CSNK1A1: variants seen among roughly 807,000 people sequenced by gnomAD.
CSNK1A1 encodes the protein casein kinase 1 alpha 1.
CSNK1A1 carries 7 observed loss-of-function variants against 46.1 expected under a neutral mutation model. The ratio of observed to expected loss-of-function variants is 0.15; its 90% CI spans 0.09 to 0.29. The LOEUF is 0.29. CSNK1A1 is among the 10% of genes least tolerant of loss of function. The probability of loss-of-function intolerance (pLI) is 1.00; values close to 1 mark genes in which losing one functional copy is unlikely to be tolerated. For synonymous variants in CSNK1A1, 137 were observed against 141.5 expected, an observed-to-expected ratio of 0.97 and a Z score of 0.23; for missense variants, 96 against 417.1, an observed-to-expected ratio of 0.23 and a Z score of 6.71.
chr5:149,519,200 TC>T (rs1176902431), intron 4 of CSNK1A1, among the ~76,000 whole-genome samples: 1 of 152,110 alleles, frequency 6.6e-6, no homozygotes, highest in Non-Finnish European at 1.5e-5. Flanking sequence ...AACATCAGTA[TC>T]TCACATTGAC....
intron 2 of CSNK1A1, among the ~76,000 whole-genome samples, chr5:149,546,775 A>G (rs772712785): frequency 1.1e-4 from 16 of 152,238 alleles, no homozygotes; most frequent in Non-Finnish European, 5.9e-5. Context: ...AATAGATAAC[A>G]CATAACTTTT....
intron 9 of CSNK1A1, chr5:149,499,245 C>T (rs1386869923): frequency 1.0e-6 from 1 of 979,046 alleles, no homozygotes; most frequent in Non-Finnish European, 1.2e-6. Context: ...GTTCAAGAAC[C>T]CATCTTCACT....
chr5:149,548,169 C>G (rs548449915), intron 2 of CSNK1A1, among the ~76,000 whole-genome samples: 1 of 152,268 alleles, frequency 6.6e-6, no homozygotes, highest in African/African-American at 2.4e-5. Flanking sequence ...CCACGCCTGG[C>G]TGGAACTCTT....
intron 9 of CSNK1A1, among the ~76,000 whole-genome samples, chr5:149,500,544 T>C (rs918675661): frequency 1.3e-5 from 2 of 152,148 alleles, no homozygotes; most frequent in Non-Finnish European, 2.9e-5. Context: ...CCCAAAGTGC[T>C]GGGATTACAG....
At chr5:149,523,815 G>T (rs1472585049) in intron 3 of CSNK1A1, among the ~76,000 whole-genome samples, 1 of 152,122 alleles carries the variant, frequency 6.6e-6, no homozygotes, top group East Asian at 1.9e-4. Context: ...TTTGTGTTAG[G>T]AACATTACAA....
rs1465757426 is a variant in CSNK1A1 at position 149,496,138 on chromosome 5, TTC to T, written c.*713_*714del. On this transcript the variant is annotated 3_prime_UTR_variant, in exon 10 of 10. Transcript: ENST00000377843. ...TTCAGTTGTAAGATGTTAACTAAAT[TTC>T]TGTGACAAATATGCTTTTTTTTTAA... is the stretch of plus-strand genomic sequence containing the variant. 1 of 152,592 alleles carries T rather than the reference TTC, an allele frequency of 6.6e-6. No homozygotes were observed. Among genetic ancestry groups the T allele is most frequent in the Non-Finnish European group, 1.5e-5 (1 of 68,020 alleles). The allele number at this position is 152,592 out of a possible 1,614,324, so 9.5% of individuals were successfully genotyped here.
intron 2 of CSNK1A1, among the ~76,000 whole-genome samples, chr5:149,549,689 T>A (rs1762595547): frequency 6.6e-6 from 1 of 152,176 alleles, no homozygotes; most frequent in African/African-American, 2.4e-5. Flanking sequence ...CAACTCGAAC[T>A]GACACTGCCG....
intron 9 of CSNK1A1, chr5:149,497,549 C>G (rs964144699): frequency 1.0e-6 from 1 of 985,286 alleles, no homozygotes; most frequent in African/African-American, 1.7e-5. Flanking sequence ...CTACATAGGC[C>G]CTAGGCCAAG....
chr5:149,547,220 T>C (rs573195807), intron 2 of CSNK1A1, among the ~76,000 whole-genome samples: 24 of 152,326 alleles, frequency 1.6e-4, no homozygotes, highest in African/African-American at 5.1e-4. Context: ...GTCAGGTTAA[T>C]CTGTTTAGCC....
intron 4 of CSNK1A1, among the ~76,000 whole-genome samples, chr5:149,515,507 C>T (rs1253920809): frequency 1.3e-5 from 2 of 152,068 alleles, no homozygotes; most frequent in South Asian, 4.1e-4. Flanking sequence ...AAACAAAAAT[C>T]TAAAGAGCAA....
At chr5:149,511,109 T>C (rs1761208875) in intron 6 of CSNK1A1, among the ~76,000 whole-genome samples, 1 of 152,134 alleles carries the variant, frequency 6.6e-6, no homozygotes, top group South Asian at 2.1e-4. Context: ...GAGAATCACT[T>C]GAGCCCAAGA....
Position 149,551,313 on chromosome 5 carries a change from G to C in CSNK1A1, c.-349C>G. 1 of 244,444 alleles carries C rather than the reference G, an allele frequency of 4.1e-6. No individual in the cohort carries two copies. The highest frequency in any genetic ancestry group is 8.1e-6 in the Non-Finnish European group (1 of 123,090). The allele number at this position is 244,444 out of a possible 1,614,324, so 15.1% of individuals were successfully genotyped here. ...CGGCGATACCGCTGCCACCACTGCC[G>C]CCGGCTCCGGCCCAGAGGGACCCCT... On this transcript the variant is annotated 5_prime_UTR_variant, in exon 1 of 10. Transcript: ENST00000377843.
chr5:149,503,844 G>C, intron 9 of CSNK1A1: 4 of 985,400 alleles, frequency 4.1e-6, no homozygotes, highest in Non-Finnish European at 4.8e-6. Flanking sequence ...GGTCAGAAGA[G>C]ATTTCAATCT....
Position 149,550,805 on chromosome 5 carries a change from G to A in CSNK1A1, c.123+37C>T. The A allele has an allele frequency of 6.2e-7, 1 of 1,613,486 alleles. No individual in the cohort carries two copies. The highest frequency in any genetic ancestry group is 8.5e-7 in the Non-Finnish European group (1 of 1,179,564). ...GTGGTGGTGGGGGGAATGAGTAAAA[G>A]CGCAGCGTTATCGTGAACCCCACCC... On this transcript the variant is annotated intron_variant, in intron 1 of 9. Coordinates refer to ENST00000377843, the MANE Select transcript of CSNK1A1 (RefSeq NM_001892.6). The surrounding 1 kb of genome is among the most constrained non-coding windows in gnomAD (Gnocchi z 4.3).
At chr5:149,515,654 T>C (rs1309702572) in intron 4 of CSNK1A1, among the ~76,000 whole-genome samples, 3 of 152,190 alleles carry the variant, frequency 2.0e-5, no homozygotes, top group African/African-American at 7.2e-5. Flanking sequence ...AATAAAACTA[T>C]TGGTGGTTCA....
At chr5:149,503,622 A>G in intron 9 of CSNK1A1, 2 of 985,158 alleles carry the variant, frequency 2.0e-6, no homozygotes, top group Non-Finnish European at 2.4e-6. Context: ...ATACAAAATA[A>G]GGATTAAACA....
intron 2 of CSNK1A1, among the ~76,000 whole-genome samples, chr5:149,528,531 GTCT>G (rs1761790090): frequency 6.6e-6 from 1 of 152,166 alleles, no homozygotes; most frequent in Non-Finnish European, 1.5e-5. Flanking sequence ...ACCAGAAATG[GTCT>G]TCTGCTTATT....
chr5:149,496,696 C>G lies in CSNK1A1; in HGVS notation c.*157G>C. ...AGGATACAGCATCACCAATGCTGCC[C>G]AGAGTCAGTTTATACTGAAATTAAG... On this transcript the variant is annotated 3_prime_UTR_variant, in exon 10 of 10. Coordinates refer to ENST00000377843, the MANE Select transcript of CSNK1A1 (RefSeq NM_001892.6). 1 of 941,180 alleles carries G rather than the reference C, an allele frequency of 1.1e-6. No individual in the cohort carries two copies. The highest frequency in any genetic ancestry group is 1.5e-6 in the Non-Finnish European group (1 of 657,068). 58.3% of individuals were successfully genotyped at this position (941,180 alleles called of 1,614,324 possible). A position where few individuals can be genotyped will look rare whatever the true frequency, so the allele number is the denominator to read the frequency against.
intron 2 of CSNK1A1, among the ~76,000 whole-genome samples, chr5:149,536,117 CT>C (rs754159102): frequency 6.6e-6 from 1 of 152,138 alleles, no homozygotes; most frequent in Non-Finnish European, 1.5e-5. Flanking sequence ...CCACGCCTGA[CT>C]AATTTTGTAT....
Sources: allele counts gnomAD v4.1 joint callset (sites outside exome capture counted in the v4.1 genomes callset), GRCh38; gene constraint gnomAD v4.1.1; non-coding constraint Gnocchi (gnomAD v3.1); transcripts MANE v1.5; gene names NCBI Gene and HGNC (gene_info 2026-07-23, HGNC 2026-07-21).